The following RIT2 variants were observed in gnomAD, a reference collection of about 807,000 sequenced individuals.
RIT2 encodes the protein Ras like without CAAX 2.
RIT2 carries 24 observed loss-of-function variants against 23.7 expected under a neutral mutation model. That is an observed-to-expected ratio of 1.01 (90% confidence interval 0.73 to 1.43). RIT2 has a LOEUF of 1.43. Ranked by LOEUF, RIT2 falls within the 40% of genes most tolerant of loss-of-function variation. RIT2 has a pLI of 0.00. For synonymous variants in RIT2, 107 were observed against 91.1 expected (o/e 1.17, Z -0.99); for missense variants, 236 against 266.9 (o/e 0.88, Z 0.81).
At chr18:43,004,596 C>A (rs1258914884) in intron 2 of RIT2, among the ~76,000 whole-genome samples, 1 of 151,844 alleles carries the variant, frequency 6.6e-6, no homozygotes, top group Admixed American at 6.6e-5. Flanking sequence ...TTAGTCCATT[C>A]TGCTGACTCT....
chr18:43,074,882 G>C (rs1279454642), intron 1 of RIT2, among the ~76,000 whole-genome samples: 1 of 152,178 alleles, frequency 6.6e-6, no homozygotes, highest in African/African-American at 2.4e-5. Context: ...AACAACACAG[G>C]CTGGGTCCTG....
intron 2 of RIT2, among the ~76,000 whole-genome samples, chr18:42,992,925 C>A (rs1301860244): frequency 6.6e-6 from 1 of 152,240 alleles, no homozygotes; most frequent in African/African-American, 2.4e-5. Flanking sequence ...AATCTGCTCC[C>A]GACATGAAAT....
chr18:43,039,334 AT>A (rs201588795), intron 1 of RIT2, among the ~76,000 whole-genome samples: 8,392 of 136,710 alleles, frequency 0.061, 298 homozygotes, highest in South Asian at 0.13. Context: ...TTCTGTTGAC[AT>A]TTTTTTTTCT....
chr18:43,048,730 G>A (rs2144306077), intron 1 of RIT2, among the ~76,000 whole-genome samples: 1 of 152,196 alleles, frequency 6.6e-6, no homozygotes, highest in African/African-American at 2.4e-5. Context: ...GGTCTATCTA[G>A]CTAAAATATG....
At chr18:42,848,849 G>A (rs902699117) in intron 4 of RIT2, among the ~76,000 whole-genome samples, 1 of 151,966 alleles carries the variant, frequency 6.6e-6, no homozygotes, top group Admixed American at 6.6e-5. Flanking sequence ...CAATGTTTTG[G>A]TGCTTGAAAT....
intron 4 of RIT2, among the ~76,000 whole-genome samples, chr18:42,819,963 A>T (rs1205010054): frequency 6.6e-6 from 1 of 152,172 alleles, no homozygotes; most frequent in Non-Finnish European, 1.5e-5. Flanking sequence ...CATATAACCT[A>T]CACATATAAT....
In RIT2 at chr18:43,046,607, A is replaced by G. The variant is rs532097260; in HGVS notation, c.104-12740T>C. Among the ~76,000 whole-genome samples, 12 of 152,320 alleles carry G rather than the reference A, an allele frequency of 7.9e-5. No homozygotes were observed. The East Asian group carries it at 2.3e-3, about 29-fold the overall frequency. Reference sequence around the variant, plus strand: ...GACAACACAGGGTCTTCCACAGTCAACATTTACAGAACTGAATCATACCTA... The same window carrying G: ...GACAACACAGGGTCTTCCACAGTCAGCATTTACAGAACTGAATCATACCTA... On this transcript the variant is annotated intron_variant, in intron 1 of 4. Transcript: ENST00000326695.
intron 1 of RIT2, among the ~76,000 whole-genome samples, chr18:43,045,617 C>A (rs1319809905): frequency 6.6e-6 from 1 of 152,146 alleles, no homozygotes; most frequent in Admixed American, 6.6e-5. Context: ...CTACTTGTAA[C>A]AATTTTGTAA....
chr18:43,012,352 A>G (rs1398979735), intron 2 of RIT2, among the ~76,000 whole-genome samples: 1 of 151,832 alleles, frequency 6.6e-6, no homozygotes, highest in Non-Finnish European at 1.5e-5. Context: ...TGGGAAAAGT[A>G]ATTTGTATAT....
rs528935616 is a variant in RIT2 at position 43,015,765 on chromosome 18, A to T, written c.160+18046T>A. On this transcript the variant is annotated intron_variant, in intron 2 of 4. Coordinates refer to ENST00000326695, the MANE Select transcript of RIT2 (RefSeq NM_002930.4). ...CATAAGCTGTGGGATTATGTTGAAG[A>T]AGACAAAAGAAAAGAATGCTTCCCC... 2.6e-5 allele frequency among the ~76,000 whole-genome samples: 4 copies of T among 151,850 alleles called. No homozygotes were observed. In the South Asian group the frequency reaches 8.3e-4, roughly 31 times the overall value.
chr18:43,095,821 A>T (rs1211494753), intron 1 of RIT2, among the ~76,000 whole-genome samples: 1 of 151,978 alleles, frequency 6.6e-6, no homozygotes, highest in Non-Finnish European at 1.5e-5. Flanking sequence ...ATCTGGAAAT[A>T]CTTATGTACA....
chr18:43,014,703 A>G (rs1911432289), intron 2 of RIT2, among the ~76,000 whole-genome samples: 1 of 151,690 alleles, frequency 6.6e-6, no homozygotes, highest in South Asian at 2.1e-4. Context: ...AAAGAGACAA[A>G]CACTGTAAAT....
intron 4 of RIT2, among the ~76,000 whole-genome samples, chr18:42,788,690 A>G (rs1913975366): frequency 6.6e-6 from 1 of 152,186 alleles, no homozygotes; most frequent in Admixed American, 6.5e-5. Context: ...TCTAATTACT[A>G]TTTGAAAGTT....
chr18:43,051,283 T>A (rs1042372411), intron 1 of RIT2, among the ~76,000 whole-genome samples: 2 of 152,034 alleles, frequency 1.3e-5, no homozygotes, highest in Non-Finnish European at 2.9e-5. Context: ...AGAGAAAAAA[T>A]TCAGTTAAAG....
At chr18:42,904,798 TACA>T (rs1908567231) in intron 4 of RIT2, among the ~76,000 whole-genome samples, 1 of 151,956 alleles carries the variant, frequency 6.6e-6, no homozygotes, top group Admixed American at 6.6e-5. Flanking sequence ...TTGGGCAAAA[TACA>T]TAAATAGACA....
At chr18:42,863,136 T>C (rs1254600170) in intron 4 of RIT2, among the ~76,000 whole-genome samples, 1 of 152,122 alleles carries the variant, frequency 6.6e-6, no homozygotes, top group Non-Finnish European at 1.5e-5. Flanking sequence ...AACTGTAGAC[T>C]AATGTTTATA....
intron 2 of RIT2, among the ~76,000 whole-genome samples, chr18:42,992,786 C>T (rs12968726): frequency 0.97 from 147,243 of 152,198 alleles, 71,419 homozygotes; most frequent in East Asian, 1. Flanking sequence ...TAGGCTCTTT[C>T]TCATCAAATA....
Position 42,920,769 on chromosome 18 carries a change from G to A in RIT2, c.426+2803C>T, listed in dbSNP as rs370922175. The A allele has an allele frequency of 3.8e-6, 6 of 1,580,566 alleles. No homozygotes were observed. The African/African-American group carries it at 6.7e-5, about 18-fold the overall frequency. Reference sequence around the variant, plus strand: ...AACTCTTTCAGTGTAGGCTGATAAGGAATAAGAATTGCTTAGTGAGAATCC... The same window carrying A: ...AACTCTTTCAGTGTAGGCTGATAAGAAATAAGAATTGCTTAGTGAGAATCC... On this transcript the variant is annotated intron_variant, in intron 4 of 4. Coordinates refer to ENST00000326695, the MANE Select transcript of RIT2 (RefSeq NM_002930.4).
At chr18:42,842,126 G>T (rs1219264744) in intron 4 of RIT2, among the ~76,000 whole-genome samples, 1 of 152,172 alleles carries the variant, frequency 6.6e-6, no homozygotes, top group African/African-American at 2.4e-5. Context: ...TTTCTCCCCA[G>T]GGGAAAACAT....
Sources: gnomAD v4.1 joint callset for allele counts (sites outside exome capture counted in the v4.1 genomes callset) on GRCh38, gnomAD v4.1.1 for gene constraint, MANE v1.5 for transcripts, NCBI Gene and HGNC (gene_info 2026-07-23, HGNC 2026-07-21) for gene names.